The following FAR2 variants were observed in gnomAD, a reference collection of about 807,000 sequenced individuals.
The protein encoded by FAR2 is epididymis secretory protein Li 81.
In FAR2, 19 loss-of-function variants were observed where a neutral mutation model predicts 56.0. The observed-to-expected ratio is 0.34, with a 90% confidence interval of 0.24 to 0.50. FAR2 has a LOEUF of 0.50. Among genes scored for constraint, FAR2 ranks in the 20% least tolerant of loss-of-function variants. The pLI is 0.98. For missense variants in FAR2, 508 were observed against 642.2 expected (o/e 0.79, Z 2.26); for synonymous variants, 219 against 218.8 (o/e 1.00, Z -0.01).
At chr12:29,169,545 A>C (rs928413312) in intron 1 of FAR2, among the ~76,000 whole-genome samples, 4 of 152,194 alleles carry the variant, frequency 2.6e-5, no homozygotes, top group Non-Finnish European at 5.9e-5. Context: ...TTTGAAAGGC[A>C]TTGTCTGATT....
intron 4 of FAR2, among the ~76,000 whole-genome samples, chr12:29,302,867 T>C (rs1949199515): frequency 6.6e-6 from 1 of 151,986 alleles, no homozygotes; most frequent in African/African-American, 2.4e-5. Context: ...GCAACAGGTA[T>C]AAAAAACATC....
At chr12:29,176,572 A>C (rs6487779) in intron 1 of FAR2, among the ~76,000 whole-genome samples, 99,695 of 152,124 alleles carry the variant, frequency 0.66, 34,436 homozygotes, top group Non-Finnish European at 0.76. Flanking sequence ...AAAGGAAATA[A>C]GAATGATAGC....
intron 4 of FAR2, among the ~76,000 whole-genome samples, chr12:29,303,355 T>C (rs1949206751): frequency 6.6e-6 from 1 of 152,150 alleles, no homozygotes; most frequent in Non-Finnish European, 1.5e-5. Flanking sequence ...GAAATGAGGA[T>C]CATTTATCTT....
At chr12:29,167,886 C>A (rs916673459) in intron 1 of FAR2, among the ~76,000 whole-genome samples, 2 of 152,162 alleles carry the variant, frequency 1.3e-5, no homozygotes, top group Non-Finnish European at 2.9e-5. Context: ...TTAACTATTA[C>A]ACCTCGTGTA....
At chr12:29,292,870 A>G (rs1343218619) in intron 2 of FAR2, among the ~76,000 whole-genome samples, 2 of 152,218 alleles carry the variant, frequency 1.3e-5, no homozygotes, top group African/African-American at 4.8e-5. Context: ...TGGGATTGAT[A>G]AGGTTGATAA....
At chr12:29,310,920 A>G (rs1949337161) in intron 6 of FAR2, 108 bp from the exon 7 acceptor site, 1 of 802,156 alleles carries the variant, frequency 1.2e-6, no homozygotes, top group South Asian at 1.5e-5. Context: ...GATCAATGTT[A>G]GCTGTTTTCA....
At chr12:29,151,229 C>T (rs1371544637) in intron 1 of FAR2, among the ~76,000 whole-genome samples, 2 of 152,212 alleles carry the variant, frequency 1.3e-5, no homozygotes, top group African/African-American at 4.8e-5. Flanking sequence ...TGCACAGTGA[C>T]CACCAGCATG....
intron 1 of FAR2, among the ~76,000 whole-genome samples, chr12:29,157,382 C>T (rs1482866501): frequency 1.3e-5 from 2 of 152,098 alleles, no homozygotes; most frequent in South Asian, 2.1e-4. Context: ...TTTTGGACAT[C>T]TTGCTTTTAA....
At chr12:29,238,653 C>A (rs1947978778) in intron 1 of FAR2, among the ~76,000 whole-genome samples, 1 of 152,062 alleles carries the variant, frequency 6.6e-6, no homozygotes, top group Non-Finnish European at 1.5e-5. Flanking sequence ...CTAAACTGTA[C>A]ATAAGTAAAA....
chr12:29,304,397 G>C (rs1417778871), intron 4 of FAR2, among the ~76,000 whole-genome samples: 1 of 152,186 alleles, frequency 6.6e-6, no homozygotes, highest in African/African-American at 2.4e-5. Flanking sequence ...TGTCTGTCCA[G>C]TGGGGAGACA....
intron 1 of FAR2, among the ~76,000 whole-genome samples, chr12:29,247,831 G>A (rs1948152194): frequency 6.6e-6 from 1 of 152,168 alleles, no homozygotes; most frequent in Non-Finnish European, 1.5e-5. Flanking sequence ...TCATGCCATA[G>A]TAGTACAATA....
At chr12:29,321,177 C>T (rs12366505) in intron 9 of FAR2, among the ~76,000 whole-genome samples, 46,886 of 151,604 alleles carry the variant, frequency 0.31, 7,335 homozygotes, top group East Asian at 0.35. Context: ...CCAAAAGTTA[C>T]ATACTAAGAC....
chr12:29,229,720 T>G (rs1161360753), intron 1 of FAR2, among the ~76,000 whole-genome samples: 1 of 152,122 alleles, frequency 6.6e-6, no homozygotes, highest in Non-Finnish European at 1.5e-5. Flanking sequence ...AAGAGAATAA[T>G]CATAATCAAT....
At chr12:29,309,330 TG>T in intron 6 of FAR2, 100 bp downstream of exon 6, 1 of 844,462 alleles carries the variant, frequency 1.2e-6, no homozygotes, top group South Asian at 1.5e-5. Flanking sequence ...AAAACATAAA[TG>T]TTACTTTACT....
At chr12:29,248,630 G>A (rs977408612) in intron 1 of FAR2, among the ~76,000 whole-genome samples, 1 of 152,200 alleles carries the variant, frequency 6.6e-6, no homozygotes, top group Non-Finnish European at 1.5e-5. Flanking sequence ...CATCTTATCA[G>A]GAGACAGGGT....
At chr12:29,262,274 A>G (rs948160274) in intron 1 of FAR2, among the ~76,000 whole-genome samples, 1 of 151,804 alleles carries the variant, frequency 6.6e-6, no homozygotes, top group Admixed American at 6.6e-5. Context: ...ATAAGATAGC[A>G]TTTGCAAGCC....
intron 1 of FAR2, among the ~76,000 whole-genome samples, chr12:29,262,451 A>T (rs796166845): frequency 4.6e-5 from 7 of 152,124 alleles, no homozygotes; most frequent in African/African-American, 1.7e-4. Context: ...ACCAACATAG[A>T]TAAACCCCGT....
intron 1 of FAR2, among the ~76,000 whole-genome samples, chr12:29,219,795 A>G (rs543877411): frequency 1.3e-5 from 2 of 152,318 alleles, no homozygotes; most frequent in South Asian, 2.1e-4. Context: ...AAGTGATATC[A>G]TCGTTTTCCT....
chr12:29,312,624 T>C (rs1474212125), intron 8 of FAR2, among the ~76,000 whole-genome samples: 1 of 152,152 alleles, frequency 6.6e-6, no homozygotes, highest in Non-Finnish European at 1.5e-5. Context: ...ACTATACAAA[T>C]GATTGATCTG....
Sources: gnomAD v4.1 joint callset for allele counts (sites outside exome capture counted in the v4.1 genomes callset) on GRCh38, gnomAD v4.1.1 for gene constraint, MANE v1.5 for transcripts, NCBI Gene and HGNC (gene_info 2026-07-23, HGNC 2026-07-21) for gene names.